Variants in C6orf118 observed in about 807,000 individuals in gnomAD.
The protein encoded by C6orf118 is uncharacterized protein C6orf118.
C6orf118 carries 50 observed loss-of-function variants against 50.2 expected under a neutral mutation model. The observed-to-expected ratio is 1.00, with a 90% CI of 0.79 to 1.26. The LOEUF is 1.26. Among genes scored for constraint, C6orf118 ranks in the 50% most tolerant of loss-of-function variants. The pLI, the probability that C6orf118 is intolerant of heterozygous loss-of-function variation, is 0.00. For missense variants in C6orf118, 641 were observed against 578.7 expected, an observed-to-expected ratio of 1.11 and a Z score of -1.10; for synonymous variants, 239 against 230.9, an observed-to-expected ratio of 1.03 and a Z score of -0.32.
intron 3 of C6orf118, among the ~76,000 whole-genome samples, chr6:165,299,806 T>A (rs994444622): frequency 6.6e-6 from 1 of 152,274 alleles, no homozygotes; most frequent in African/African-American, 2.4e-5. Context: ...TGCCTCAGCC[T>A]CTGAGTAGCT....
Position 165,302,093 on chromosome 6 carries a change from A to C in C6orf118, c.229T>G (p.Leu77Val). Reference protein sequence around the residue: ...NKLYQPPETILQHWPNAHRPK... With the variant: ...NKLYQPPETIVQHWPNAHRPK... ...CGGTGGGCATTGGGCCAGTGCTGTA[A>C]GATCGTCTCCGGAGGCTGGTAGAGC... Residue 77 changes from leucine to valine, a missense_variant, in exon 2 of 9, where the codon TTA (leucine) becomes GTA (valine). Coordinates refer to ENST00000230301, the MANE Select transcript of C6orf118 (RefSeq NM_144980.4). The C allele has an allele frequency of 6.2e-7, 1 of 1,613,902 alleles. No homozygotes were observed. The highest frequency in any genetic ancestry group is 1.6e-4 in the Middle Eastern group (1 of 6,062).
rs1309395851 is a variant in C6orf118, at chr6:165,293,433, T to C, written c.1100A>G (p.Gln367Arg). The C allele has an allele frequency of 6.2e-7, 1 of 1,613,838 alleles. No homozygotes were observed. The highest frequency in any genetic ancestry group is 1.3e-5 in the African/African-American group (1 of 74,942). The part of the protein sequence containing the change: ...SELEMEVALL[Q>R]SAKERSESSE... ...CCTGCCTGATCGTTCCTTTGCAGAC[T>C]GCAGCAATGCCACCTCCATCTCCAG... Residue 367 changes from glutamine (Q) to arginine (R), a missense_variant, in exon 6 of 9, where the codon CAG (glutamine) becomes CGG (arginine). Coordinates refer to ENST00000230301, the MANE Select transcript of C6orf118 (RefSeq NM_144980.4).
intron 2 of C6orf118, 130 bp downstream of exon 2, chr6:165,301,439 T>C (rs1245346228): frequency 2.3e-6 from 3 of 1,286,532 alleles, no homozygotes; most frequent in Admixed American, 4.6e-5. Context: ...CCGAGAACAC[T>C]GCCCCAAGAG....
chr6:165,280,612 A>G (rs973036409), intron 8 of C6orf118, among the ~76,000 whole-genome samples: 3 of 152,116 alleles, frequency 2.0e-5, no homozygotes, highest in Non-Finnish European at 4.4e-5. Flanking sequence ...GCTGAGAGTG[A>G]CCTTGGCCCA....
chr6:165,302,177 G>A lies in C6orf118; in HGVS notation c.145C>T (p.Gln49Ter). 1 of 1,612,762 alleles carries A rather than the reference G, an allele frequency of 6.2e-7. No individual in the cohort carries two copies. Among genetic ancestry groups the A allele is most frequent in the Non-Finnish European group, 8.5e-7 (1 of 1,179,946 alleles). ...CNLKKLLNRL[Q>*]KDHREDVYLY... ...TAGACGTCCTCCCGGTGGTCTTTCT[G>A]AAGCCGATTCAGAAGTTTCTTCAGA... Residue 49 changes from glutamine (Q) to a stop codon, truncating the protein, a stop_gained, in exon 2 of 9, where the codon CAG becomes TAG. Coordinates refer to ENST00000230301, the MANE Select transcript of C6orf118 (RefSeq NM_144980.4). LOFTEE classifies it high-confidence loss of function.
At chr6:165,280,158 T>A in intron 8 of C6orf118, 48 bp from the exon 9 acceptor site, 1 of 1,321,566 alleles carries the variant, frequency 7.6e-7, no homozygotes, top group Non-Finnish European at 1.1e-6. Context: ...AAAAATACAT[T>A]AAGCATGAAA....
chr6:165,300,246 G>A, intron 3 of C6orf118, 118 bp downstream of exon 3: 1 of 1,220,846 alleles, frequency 8.2e-7, no homozygotes, highest in African/African-American at 1.5e-5. Flanking sequence ...GATGGTCCCT[G>A]TCTGTAGAAG....
chr6:165,297,841 G>GAC, intron 5 of C6orf118, 136 bp downstream of exon 5: 1 of 1,264,740 alleles, frequency 7.9e-7, no homozygotes, highest in Middle Eastern at 1.9e-4. Flanking sequence ...ATAGCCAGAT[G>GAC]ACAGGCATGA....
At chr6:165,306,557 A>G (rs1052349142) in intron 1 of C6orf118, among the ~76,000 whole-genome samples, 8 of 142,412 alleles carry the variant, frequency 5.6e-5, no homozygotes, top group Non-Finnish European at 9.1e-5. Context: ...AAAAAAAAAA[A>G]AAAAGAAATG....
intron 1 of C6orf118, 52 bp downstream of exon 1, chr6:165,309,510 T>C: frequency 6.2e-7 from 1 of 1,609,030 alleles, no homozygotes; most frequent in Non-Finnish European, 8.5e-7. Flanking sequence ...CCTCCACAAT[T>C]GAACATCAAG....
chr6:165,295,433 C>T (rs1780254918), intron 5 of C6orf118, among the ~76,000 whole-genome samples: 1 of 152,122 alleles, frequency 6.6e-6, no homozygotes, highest in African/African-American at 2.4e-5. Context: ...TTTATTATTA[C>T]TATTCCTTGG....
chr6:165,283,063 C>T (rs1344446237), intron 7 of C6orf118, among the ~76,000 whole-genome samples: 1 of 152,062 alleles, frequency 6.6e-6, no homozygotes, highest in Non-Finnish European at 1.5e-5. Flanking sequence ...CCAAGATGGC[C>T]GACTAGAAGC....
intron 7 of C6orf118, among the ~76,000 whole-genome samples, chr6:165,286,617 G>A (rs1373788335): frequency 6.6e-6 from 1 of 152,004 alleles, no homozygotes; most frequent in Non-Finnish European, 1.5e-5. Flanking sequence ...TGCAAGACTG[G>A]TTTGACATAC....
intron 7 of C6orf118, among the ~76,000 whole-genome samples, chr6:165,286,129 C>G (rs1170347532): frequency 2.6e-5 from 4 of 151,914 alleles, no homozygotes. Context: ...TACAAACAAC[C>G]ATCAAAGAAT....
intron 1 of C6orf118, among the ~76,000 whole-genome samples, chr6:165,306,422 T>C (rs1167739480): frequency 1.5e-5 from 2 of 132,458 alleles, no homozygotes; most frequent in Non-Finnish European, 1.6e-5. Context: ...CATGTATACA[T>C]ATGTAACTAA....
intron 1 of C6orf118, among the ~76,000 whole-genome samples, chr6:165,306,704 C>A (rs899547402): frequency 2.0e-5 from 3 of 152,002 alleles, no homozygotes; most frequent in Non-Finnish European, 4.4e-5. Flanking sequence ...GTTGTGTTAT[C>A]CTTTGTTTAT....
chr6:165,294,780 G>T (rs1449112273), intron 5 of C6orf118, among the ~76,000 whole-genome samples: 1 of 152,122 alleles, frequency 6.6e-6, no homozygotes, highest in Non-Finnish European at 1.5e-5. Flanking sequence ...CTACTTGGGA[G>T]GCTGAAGTAG....
intron 7 of C6orf118, among the ~76,000 whole-genome samples, chr6:165,284,928 T>C (rs1286362253): frequency 6.6e-6 from 1 of 152,114 alleles, no homozygotes; most frequent in Non-Finnish European, 1.5e-5. Flanking sequence ...AATAACCAGC[T>C]AGCATCATGA....
At chr6:165,287,003 A>T in intron 7 of C6orf118, among the ~76,000 whole-genome samples, 1 of 152,202 alleles carries the variant, frequency 6.6e-6, no homozygotes, top group Non-Finnish European at 1.5e-5. Flanking sequence ...CTGTTTGCAT[A>T]TGACATGATT....
Sources: allele counts gnomAD v4.1 joint callset (sites outside exome capture counted in the v4.1 genomes callset), GRCh38; gene constraint gnomAD v4.1.1; transcripts MANE v1.5; gene names NCBI Gene and HGNC (gene_info 2026-07-23, HGNC 2026-07-21).